Variants in RAF1 observed in about 807,000 individuals in gnomAD.
RAF1 encodes Raf-1 proto-oncogene, serine/threonine kinase, also known as RAF proto-oncogene serine/threonine-protein kinase.
A neutral mutation model predicts 81.1 loss-of-function variants in RAF1; 27 were observed. That is an observed-to-expected ratio of 0.33 (90% CI 0.25 to 0.46). RAF1 has a LOEUF of 0.46. Among genes scored for constraint, RAF1 ranks in the 20% least tolerant of loss-of-function variants. The pLI, the probability that RAF1 is intolerant of heterozygous loss-of-function variation, is 1.00. For missense variants in RAF1, 598 were observed against 826.0 expected, an observed-to-expected ratio of 0.72 and a Z score of 3.38; for synonymous variants, 298 against 294.0, an observed-to-expected ratio of 1.01 and a Z score of -0.14.
At chr3:12,659,582 TC>T (rs1337868437) in intron 1 of RAF1, among the ~76,000 whole-genome samples, 2 of 151,980 alleles carry the variant, frequency 1.3e-5, no homozygotes, top group African/African-American at 4.8e-5. Flanking sequence ...AACAACCTCA[TC>T]CTAAATAAAC....
rs779867748 is a variant in RAF1, at chr3:12,627,662, T to A, written c.-26-8915A>T. ...GTTCCCTAGGTTCACCAAAAAAAAA[T>A]TGCCTTTTATTAGCTTCATGCATCA... On this transcript the variant is annotated intron_variant, in intron 1 of 17. Transcript: ENST00000442415. 2.6e-5 allele frequency among the ~76,000 whole-genome samples: 4 copies of A among 152,318 alleles called. No homozygotes were observed. In the East Asian group the frequency reaches 7.7e-4, roughly 29 times the overall value.
At chr3:12,609,070 C>A (rs1054665548) in intron 4 of RAF1, 147 bp from the exon 5 acceptor site, 24 of 1,126,572 alleles carry the variant, frequency 2.1e-5, no homozygotes, top group Non-Finnish European at 3.2e-5. Context: ...TAGAGTATAT[C>A]TCTGACTAAT....
chr3:12,660,782 C>A (rs1255343277), intron 1 of RAF1, among the ~76,000 whole-genome samples: 1 of 152,064 alleles, frequency 6.6e-6, no homozygotes. Context: ...CAAGACCAGC[C>A]TGGCTAATAT....
At chr3:12,611,790 T>A (rs2059218100) in intron 3 of RAF1, among the ~76,000 whole-genome samples, 160 bp downstream of exon 3, 1 of 152,226 alleles carries the variant, frequency 6.6e-6, no homozygotes, top group Non-Finnish European at 1.5e-5. Flanking sequence ...ATAATTTCAA[T>A]TTCTTAATAC....
chr3:12,642,664 C>CCAGACA (rs1559478132), intron 1 of RAF1, among the ~76,000 whole-genome samples: 1 of 139,890 alleles, frequency 7.1e-6, no homozygotes, highest in Non-Finnish European at 1.5e-5. Context: ...CAGGGAGACA[C>CCAGACA]CATCTCTACA....
chr3:12,628,035 G>A (rs767383275), intron 1 of RAF1, among the ~76,000 whole-genome samples: 7 of 152,118 alleles, frequency 4.6e-5, no homozygotes, highest in Non-Finnish European at 8.8e-5. Flanking sequence ...CAGGATAATC[G>A]CTTGAACCTG....
At position 12,659,427 on chromosome 3, in the gene RAF1, CAAA is replaced by C. The variant is rs71063859; in HGVS notation, c.-27+4383_-27+4385del. ...TGGGCAACAGCACCAGATTTCATCT[CAAA>C]AAAAAAAAAAAAAAATTACACGCAA... On this transcript the variant is annotated intron_variant, in intron 1 of 17. Transcript: ENST00000442415. 1.5e-4 allele frequency among the ~76,000 whole-genome samples: 7 copies of C among 47,676 alleles called. 2 individuals carry two copies. The highest frequency in any genetic ancestry group is 3.8e-4 in the Admixed American group (1 of 2,622). 31.3% of individuals were successfully genotyped at this position (47,676 alleles called of 152,430 possible).
intron 1 of RAF1, among the ~76,000 whole-genome samples, chr3:12,620,706 G>A (rs985501461): frequency 2.6e-5 from 4 of 152,040 alleles, no homozygotes; most frequent in Non-Finnish European, 4.4e-5. Context: ...TTGAACTCCT[G>A]AGCTCAGGCA....
chr3:12,591,323 G>A (rs5746235), intron 12 of RAF1, among the ~76,000 whole-genome samples: 1 of 152,054 alleles, frequency 6.6e-6, no homozygotes, highest in South Asian at 2.1e-4. Context: ...AATAGTGACT[G>A]AAAGATTGGA....
rs2058853684 is a variant in RAF1, at chr3:12,601,268, G to A, written c.895-853C>T. Among the ~76,000 whole-genome samples the A allele has an allele frequency of 1.3e-5, 2 of 152,216 alleles. 1 individual carries two copies. Among genetic ancestry groups the A allele is most frequent in the Admixed American group, 1.3e-4 (2 of 15,282 alleles). On this transcript the variant is annotated intron_variant, in intron 8 of 17. Transcript: ENST00000442415. ...CAGGGTCACTTGGCAGAACCAGTAG[G>A]TGGCAGAAATAGAACCAGAAACCAT...
At position 12,624,892 on chromosome 3, in the gene RAF1, A is replaced by T. The variant is rs1026543246; in HGVS notation, c.-26-6145T>A. ...CAAAGCAAGACTCCAACTCAAAAAA[A>T]AAAAAAAAAACAAAAACAAAAACAA... On this transcript the variant is annotated intron_variant, in intron 1 of 17. Coordinates refer to ENST00000442415, the MANE Select transcript of RAF1 (RefSeq NM_001354689.3). Among the ~76,000 whole-genome samples the T allele has an allele frequency of 2.1e-4, 12 of 56,904 alleles. 1 individual carries two copies. Among genetic ancestry groups the T allele is most frequent in the Non-Finnish European group, 4.1e-4 (10 of 24,350 alleles). The allele number at this position is 56,904 out of a possible 152,430, so 37.3% of individuals were successfully genotyped here.
intron 1 of RAF1, among the ~76,000 whole-genome samples, chr3:12,632,900 T>C (rs2125502301): frequency 6.6e-6 from 1 of 152,250 alleles, no homozygotes; most frequent in East Asian, 1.9e-4. Flanking sequence ...AATTAGAGGA[T>C]CTCTTGACTG....
At chr3:12,623,249 A>G (rs1272473946) in intron 1 of RAF1, among the ~76,000 whole-genome samples, 4 of 152,140 alleles carry the variant, frequency 2.6e-5, no homozygotes, top group African/African-American at 9.7e-5. Context: ...ACTGATTCCA[A>G]TCGATTGGTG....
At chr3:12,617,759 G>A (rs183330148) in intron 2 of RAF1, among the ~76,000 whole-genome samples, 8 of 151,930 alleles carry the variant, frequency 5.3e-5, no homozygotes, top group African/African-American at 1.4e-4. Flanking sequence ...CAGGCGTGGC[G>A]GTGTGTGCCT....
rs2058223251 is a variant in RAF1 at position 12,583,840 on chromosome 3, C to CA, written c.*673dup. On this transcript the variant is annotated 3_prime_UTR_variant, in exon 18 of 18. Coordinates refer to ENST00000442415, the MANE Select transcript of RAF1 (RefSeq NM_001354689.3). Reference sequence around the variant, plus strand: ...CCCCATAGGGGCAGCTCCTGGAAGACAAAATTCAGCATGATGGAAGACTGC... The same window carrying CA: ...CCCCATAGGGGCAGCTCCTGGAAGACAAAAATTCAGCATGATGGAAGACTGC... 1.3e-5 allele frequency: 3 copies of CA among 234,280 alleles called. No homozygotes were observed. The Admixed American group carries it at 1.7e-4, about 13-fold the overall frequency. The allele number at this position is 234,280 out of a possible 1,614,324, so 14.5% of individuals were successfully genotyped here.
intron 1 of RAF1, among the ~76,000 whole-genome samples, chr3:12,652,876 G>C (rs1559490167): frequency 6.6e-6 from 1 of 151,852 alleles, no homozygotes; most frequent in South Asian, 2.1e-4. Flanking sequence ...AGGTTGCAGT[G>C]AGTACAGTGA....
chr3:12,593,108 T>G (rs1559410784), intron 11 of RAF1, among the ~76,000 whole-genome samples: 1 of 142,472 alleles, frequency 7.0e-6, no homozygotes, highest in East Asian at 2.0e-4. Context: ...TTTTTTTTTT[T>G]GAGATGGAGA....
intron 1 of RAF1, among the ~76,000 whole-genome samples, chr3:12,635,920 C>T (rs1197665962): frequency 7.9e-5 from 12 of 151,600 alleles, no homozygotes. Flanking sequence ...TTGCAGTGAG[C>T]CGAGATCGCG....
chr3:12,594,891 T>C (rs1253541952), intron 11 of RAF1, among the ~76,000 whole-genome samples: 3 of 152,206 alleles, frequency 2.0e-5, no homozygotes, highest in African/African-American at 7.2e-5. Context: ...ACAGTTATGG[T>C]AACAGATTAT....
Sources: allele counts gnomAD v4.1 joint callset (sites outside exome capture counted in the v4.1 genomes callset), GRCh38; gene constraint gnomAD v4.1.1; transcripts MANE v1.5; gene names NCBI Gene and HGNC (gene_info 2026-07-23, HGNC 2026-07-21).